Variants in TSPAN18 observed in about 807,000 individuals in gnomAD.
TSPAN18 encodes the protein tetraspanin 18, also known as tetraspanin-18.
Under a neutral mutation model 27.3 loss-of-function variants are expected in TSPAN18, and 14 were observed. The observed-to-expected ratio is 0.51, with a 90% CI of 0.34 to 0.80. The LOEUF is 0.80. Ranked by LOEUF, TSPAN18 falls within the 30% of genes least tolerant of loss-of-function variation. The pLI is 0.01. For missense variants in TSPAN18, 268 were observed against 323.9 expected (o/e 0.83, Z 1.32); for synonymous variants, 143 against 136.5 (o/e 1.05, Z -0.33).
intron 3 of TSPAN18, among the ~76,000 whole-genome samples, chr11:44,863,740 C>G (rs1565182263): frequency 6.6e-6 from 1 of 152,130 alleles, no homozygotes; most frequent in African/African-American, 2.4e-5. Context: ...CGGATCTGAG[C>G]TCTGCTAGCA....
rs146792043 is a variant in TSPAN18 at position 44,903,086 on chromosome 11, C to T, written c.-10-3321C>T. On this transcript the variant is annotated intron_variant, in intron 3 of 9. Coordinates refer to ENST00000520358, the MANE Select transcript of TSPAN18 (RefSeq NM_130783.5). The stretch of plus-strand genomic sequence containing the variant: ...CTGCTCCTCTGGGATTCACCAGGAA[C>T]GCTGGCTGATGATGTTATGGTATAT... 4.2e-3 allele frequency among the ~76,000 whole-genome samples: 643 copies of T among 152,092 alleles called. 5 individuals are homozygous for T. Among genetic ancestry groups the T allele is most frequent in the African/African-American group, 0.015 (613 of 41,472 alleles).
chr11:44,877,625 G>A (rs1296830092), intron 3 of TSPAN18, among the ~76,000 whole-genome samples: 1 of 152,120 alleles, frequency 6.6e-6, no homozygotes. Context: ...GGGAGGGGAC[G>A]GGGAGAAACA....
chr11:44,798,658 G>A (rs1856406374), intron 2 of TSPAN18, among the ~76,000 whole-genome samples: 1 of 152,140 alleles, frequency 6.6e-6, no homozygotes, highest in South Asian at 2.1e-4. Context: ...TGGAACTGAT[G>A]CTGAGTATAT....
intron 1 of TSPAN18, among the ~76,000 whole-genome samples, chr11:44,760,059 A>G (rs1354785264): frequency 6.6e-6 from 1 of 152,192 alleles, no homozygotes; most frequent in African/African-American, 2.4e-5. Context: ...GGCTGAGCAC[A>G]CTTTGAGTCC....
chr11:44,894,209 C>T (rs1011663877), intron 3 of TSPAN18, among the ~76,000 whole-genome samples: 9 of 152,226 alleles, frequency 5.9e-5, no homozygotes, highest in African/African-American at 1.7e-4. Flanking sequence ...CTCCCAGATG[C>T]GGAGGTGAGG....
intron 3 of TSPAN18, among the ~76,000 whole-genome samples, chr11:44,890,452 A>G (rs1858807045): frequency 6.6e-6 from 1 of 152,118 alleles, no homozygotes; most frequent in Non-Finnish European, 1.5e-5. Context: ...GGCCGGGAGC[A>G]ATGGCTCACG....
chr11:44,815,583 G>A (rs1332013839), intron 2 of TSPAN18, among the ~76,000 whole-genome samples: 1 of 152,156 alleles, frequency 6.6e-6, no homozygotes, highest in Admixed American at 6.5e-5. Flanking sequence ...ATTATGTATT[G>A]AGCACCTACC....
chr11:44,734,873 C>A (rs553048298), intron 1 of TSPAN18, among the ~76,000 whole-genome samples: 2 of 152,316 alleles, frequency 1.3e-5, no homozygotes, highest in East Asian at 3.9e-4. Context: ...TGCTGCCTGA[C>A]ATTTAGGGCT....
rs572988822 is a variant in TSPAN18 at position 44,892,083 on chromosome 11, C to T, written c.-10-14324C>T. The stretch of plus-strand genomic sequence containing the variant: ...CCTTCCCCAAGGCTGTGGGAGGCTG[C>T]GGGGCTGTCTGCTCTCCCCACAGCA... On this transcript the variant is annotated intron_variant, in intron 3 of 9. Coordinates refer to ENST00000520358, the MANE Select transcript of TSPAN18 (RefSeq NM_130783.5). 1.5e-4 allele frequency among the ~76,000 whole-genome samples: 23 copies of T among 152,216 alleles called. 1 individual carries two copies. The highest frequency in any genetic ancestry group is 6.8e-3 in the Middle Eastern group (2 of 294).
chr11:44,830,124 C>T (rs1857125262), intron 2 of TSPAN18, among the ~76,000 whole-genome samples: 1 of 152,170 alleles, frequency 6.6e-6, no homozygotes, highest in Non-Finnish European at 1.5e-5. Flanking sequence ...TTCCTAGAAC[C>T]ATGCAATCTC....
At chr11:44,868,694 G>A (rs1858105954) in intron 3 of TSPAN18, among the ~76,000 whole-genome samples, 1 of 152,214 alleles carries the variant, frequency 6.6e-6, no homozygotes, top group Admixed American at 6.5e-5. Context: ...CCACTGGCCG[G>A]GAGGAGAAAA....
At chr11:44,787,493 T>A (rs1346821256) in intron 2 of TSPAN18, among the ~76,000 whole-genome samples, 1 of 152,196 alleles carries the variant, frequency 6.6e-6, no homozygotes, top group African/African-American at 2.4e-5. Context: ...CTGTGCAGGT[T>A]GATTCTCATC....
rs1859976319 is a variant in TSPAN18 at position 44,917,982 on chromosome 11, T to G, written c.269T>G (p.Phe90Cys). The stretch of plus-strand genomic sequence containing the variant: ...TTCCTCTCCCTGCAGTTCTTCCTGT[T>G]CATCCTGATCATCTTCCTGGCAGAG... Reference protein sequence around the residue: ...NKCLLLFFFLFILIIFLAELS... With the variant: ...NKCLLLFFFLCILIIFLAELS... Residue 90 changes from phenylalanine to cysteine, a missense_variant, in exon 6 of 10, where the codon TTC (phenylalanine) becomes TGC (cysteine). Phe to Cys is a radical substitution (Grantham distance 205, BLOSUM62 -2). Coordinates refer to ENST00000520358, the MANE Select transcript of TSPAN18 (RefSeq NM_130783.5). The G allele has an allele frequency of 1.2e-6, 2 of 1,614,146 alleles. No homozygotes were observed. The highest frequency in any genetic ancestry group is 1.7e-6 in the Non-Finnish European group (2 of 1,180,016).
chr11:44,728,593 C>T (rs1854577004), intron 1 of TSPAN18, among the ~76,000 whole-genome samples: 1 of 152,080 alleles, frequency 6.6e-6, no homozygotes, highest in Non-Finnish European at 1.5e-5. Context: ...AATTTCTCAG[C>T]AGTCAACGAG....
intron 2 of TSPAN18, among the ~76,000 whole-genome samples, chr11:44,813,144 G>A (rs573079795): frequency 2.0e-5 from 3 of 152,176 alleles, no homozygotes; most frequent in Non-Finnish European, 4.4e-5. Context: ...GCGGCCTGGC[G>A]CTTCTGTCTC....
At chr11:44,818,227 G>A (rs985601614) in intron 2 of TSPAN18, among the ~76,000 whole-genome samples, 8 of 152,202 alleles carry the variant, frequency 5.3e-5, no homozygotes, top group African/African-American at 1.7e-4. Flanking sequence ...CAGAACTGAC[G>A]GTGAATGGCA....
Position 44,774,088 on chromosome 11 carries a change from T to G in TSPAN18, c.-153+9576T>G, listed in dbSNP as rs572795785. ...TAAAAATCTCATAAATACCAGGAGA[T>G]AAGGATCCAGGGGTTTTGTTTTTTA... On this transcript the variant is annotated intron_variant, in intron 2 of 9. Transcript: ENST00000520358. Among the ~76,000 whole-genome samples, 9 of 152,258 alleles carry G rather than the reference T, an allele frequency of 5.9e-5. No homozygotes were observed. The South Asian group carries it at 1.9e-3, about 32-fold the overall frequency.
intron 1 of TSPAN18, among the ~76,000 whole-genome samples, chr11:44,735,485 C>T (rs1282332783): frequency 6.6e-6 from 1 of 152,236 alleles, no homozygotes; most frequent in Non-Finnish European, 1.5e-5. Context: ...CTGGTGGTTA[C>T]TGGCAACCCT....
intron 2 of TSPAN18, among the ~76,000 whole-genome samples, chr11:44,779,875 A>C (rs1855897003): frequency 6.6e-6 from 1 of 151,662 alleles, no homozygotes; most frequent in African/African-American, 2.4e-5. Flanking sequence ...CTACACACAT[A>C]CCTGTGTATA....
Sources: allele counts gnomAD v4.1 joint callset (sites outside exome capture counted in the v4.1 genomes callset), GRCh38; gene constraint gnomAD v4.1.1; transcripts MANE v1.5; gene names NCBI Gene and HGNC (gene_info 2026-07-23, HGNC 2026-07-21).